SLC13A5: variants seen among roughly 807,000 people sequenced by gnomAD.
SLC13A5 encodes the protein solute carrier family 13 member 5, also known as Na(+)/citrate cotransporter.
A neutral mutation model predicts 56.5 loss-of-function variants in SLC13A5; 25 were observed. The ratio of observed to expected loss-of-function variants is 0.44; its 90% confidence interval spans 0.32 to 0.62. The LOEUF is 0.62. Among genes scored for constraint, SLC13A5 ranks in the 20% least tolerant of loss-of-function variants. The probability of loss-of-function intolerance (pLI) is 0.04; values close to 1 mark genes in which losing one functional copy is unlikely to be tolerated. For synonymous variants in SLC13A5, 307 were observed against 301.5 expected (o/e 1.02, Z -0.19); for missense variants, 649 against 737.8 (o/e 0.88, Z 1.39).
chr17:6,692,838 G>A lies in SLC13A5; in HGVS notation c.1275+206C>T, dbSNP rs1349571649. On this transcript the variant is annotated intron_variant, in intron 9 of 11. Coordinates refer to ENST00000433363, the MANE Select transcript of SLC13A5 (RefSeq NM_177550.5). This position sits in a 1 kb window ranked among gnomAD's most constrained non-coding sequence, Gnocchi z 5.5. The stretch of plus-strand genomic sequence containing the variant: ...CACTCATTCACTCATTCCTGCAATC[G>A]CTCAAAGGTTACTTTCTGTCTTCCA... 1.4e-5 allele frequency: 8 copies of A among 576,906 alleles called. No homozygotes were observed. In the East Asian group the frequency reaches 1.5e-4, roughly 11 times the overall value. 35.7% of individuals were successfully genotyped at this position (576,906 alleles called of 1,614,324 possible).
chr17:6,706,909 G>C (rs1190592215), intron 2 of SLC13A5, 119 bp downstream of exon 2: 2 of 1,558,630 alleles, frequency 1.3e-6, no homozygotes, highest in Admixed American at 1.8e-5. Flanking sequence ...CCCTGCCAGG[G>C]AGAATCCACA....
At chr17:6,696,944 G>C (rs1356828947) in intron 6 of SLC13A5, among the ~76,000 whole-genome samples, 1 of 152,168 alleles carries the variant, frequency 6.6e-6, no homozygotes, top group African/African-American at 2.4e-5. Context: ...TGTGATGGTG[G>C]CTTGGCCTGG....
At chr17:6,686,787 A>G in intron 11 of SLC13A5, 1 of 169,600 alleles carries the variant, frequency 5.9e-6, no homozygotes. Flanking sequence ...TCGCTTCACT[A>G]CCCTGTTGTA....
At chr17:6,702,113 C>G (rs150295901) in intron 5 of SLC13A5, among the ~76,000 whole-genome samples, 1 of 152,342 alleles carries the variant, frequency 6.6e-6, no homozygotes, top group Non-Finnish European at 1.5e-5. Context: ...CAGCCAGGCT[C>G]CAGACCTGTC....
rs1973220430 is a variant in SLC13A5, at chr17:6,685,552, T to C, written c.*655A>G. 1 of 153,460 alleles carries C rather than the reference T, an allele frequency of 6.5e-6. No individual in the cohort carries two copies. Among genetic ancestry groups the C allele is most frequent in the Non-Finnish European group, 1.5e-5 (1 of 68,898 alleles). The allele number at this position is 153,460 out of a possible 1,614,324, so 9.5% of individuals were successfully genotyped here. ...GCGTAGGTTGGCCTGTGGTGCACTG[T>C]GGGTGGCAAGCCAGGTGTCGTCCTG... On this transcript the variant is annotated 3_prime_UTR_variant, in exon 12 of 12. Transcript: ENST00000433363. This position sits in a 1 kb window ranked among gnomAD's most constrained non-coding sequence, Gnocchi z 4.2.
At chr17:6,693,623 A>G (rs1250901051) in intron 8 of SLC13A5, 1 of 158,938 alleles carries the variant, frequency 6.3e-6, no homozygotes, top group African/African-American at 2.4e-5. Flanking sequence ...TCAACGCAAT[A>G]TAATGCCATT....
Position 6,685,839 on chromosome 17 carries a change from A to G in SLC13A5, c.*368T>C. ...GATCCGATTCCCATTTAAACTATCT[A>G]GGACGAAGCGAGTGAAAACCAGAGC... On this transcript the variant is annotated 3_prime_UTR_variant, in exon 12 of 12. Coordinates refer to ENST00000433363, the MANE Select transcript of SLC13A5 (RefSeq NM_177550.5). This position sits in a 1 kb window ranked among gnomAD's most constrained non-coding sequence, Gnocchi z 4.2. The G allele has an allele frequency of 1.5e-5, 4 of 265,150 alleles. No individual in the cohort carries two copies. In the South Asian group the frequency reaches 2.1e-4, roughly 14 times the overall value. The allele number at this position is 265,150 out of a possible 1,614,324, so 16.4% of individuals were successfully genotyped here.
At chr17:6,695,679 ACGCGCCTG>A in intron 7 of SLC13A5, 39 bp downstream of exon 7, 1 of 1,599,360 alleles carries the variant, frequency 6.3e-7, no homozygotes, top group Non-Finnish European at 8.6e-7. Flanking sequence ...GTGTGAGCCA[ACGCGCCTG>A]GCCCTAAGCC....
chr17:6,696,034 C>T (rs1485669479), intron 6 of SLC13A5, 93 bp from the exon 7 acceptor site: 7 of 1,169,570 alleles, frequency 6.0e-6, no homozygotes, highest in Non-Finnish European at 8.7e-6. Context: ...CAGAATGTAG[C>T]AAAAAGACAC....
intron 6 of SLC13A5, among the ~76,000 whole-genome samples, chr17:6,700,061 G>A (rs11652886): frequency 0.1 from 15,902 of 152,192 alleles, 916 homozygotes; most frequent in Non-Finnish European, 0.12. Flanking sequence ...AAATTCCCCT[G>A]GTTTGACTTG....
In SLC13A5 at chr17:6,695,654, G is replaced by A. The variant is rs1973539291; in HGVS notation, c.1055+72C>T. Reference sequence around the variant, plus strand: ...GACCCACCCACCTCAGCCTCCCAAAGTGCTGGGATTACATGTGTGAGCCAA... The same window carrying A: ...GACCCACCCACCTCAGCCTCCCAAAATGCTGGGATTACATGTGTGAGCCAA... On this transcript the variant is annotated intron_variant, in intron 7 of 11. Coordinates refer to ENST00000433363, the MANE Select transcript of SLC13A5 (RefSeq NM_177550.5). 5 of 1,512,866 alleles carry A rather than the reference G, an allele frequency of 3.3e-6. No individual in the cohort carries two copies. In the East Asian group the frequency reaches 1.1e-4, roughly 34 times the overall value. The allele number at this position is 1,512,866 out of a possible 1,614,324, so 93.7% of individuals were successfully genotyped here. A position where few individuals can be genotyped will look rare whatever the true frequency, so the allele number is the denominator to read the frequency against.
At chr17:6,691,460 T>C (rs1025666181) in intron 9 of SLC13A5, among the ~76,000 whole-genome samples, 1 of 152,104 alleles carries the variant, frequency 6.6e-6, no homozygotes, top group African/African-American at 2.4e-5. Flanking sequence ...CAACCAGAAA[T>C]TGAAGGTTTA....
At chr17:6,697,846 C>T (rs746331585) in intron 6 of SLC13A5, among the ~76,000 whole-genome samples, 2 of 152,160 alleles carry the variant, frequency 1.3e-5, no homozygotes, top group Non-Finnish European at 2.9e-5. Flanking sequence ...GCACTAGGCT[C>T]TTCAGCAAGA....
In SLC13A5 at chr17:6,701,393, A is replaced by G. The variant is rs911655448; in HGVS notation, c.717-267T>C. Among the ~76,000 whole-genome samples, 1 of 152,192 alleles carries G rather than the reference A, an allele frequency of 6.6e-6. No individual in the cohort carries two copies. Among genetic ancestry groups the G allele is most frequent in the African/African-American group, 2.4e-5 (1 of 41,460 alleles). On this transcript the variant is annotated intron_variant, in intron 5 of 11. Coordinates refer to ENST00000433363, the MANE Select transcript of SLC13A5 (RefSeq NM_177550.5). The surrounding 1 kb of genome is among the most constrained non-coding windows in gnomAD (Gnocchi z 4.1). ...CAGGCCTTGCTAAGAGTCTCATGGA[A>G]GTTATGGCCCATCCCTCCAGAAAAA...
intron 9 of SLC13A5, 31 bp downstream of exon 9, chr17:6,693,013 G>T: frequency 1.3e-6 from 2 of 1,557,112 alleles, no homozygotes; most frequent in Non-Finnish European, 1.8e-6. Context: ...GAAGAAGAGG[G>T]CTCTGGGCAG....
intron 6 of SLC13A5, among the ~76,000 whole-genome samples, chr17:6,696,687 TG>T (rs1973570637): frequency 6.6e-6 from 1 of 152,118 alleles, no homozygotes; most frequent in Non-Finnish European, 1.5e-5. Flanking sequence ...CTGGGGCCAC[TG>T]TGCATAGGAC....
Position 6,687,390 on chromosome 17 carries a change from A to G in SLC13A5, c.1575+139T>C. 1 of 1,136,698 alleles carries G rather than the reference A, an allele frequency of 8.8e-7. No homozygotes were observed. The highest frequency in any genetic ancestry group is 1.3e-6 in the Non-Finnish European group (1 of 783,512). The allele number at this position is 1,136,698 out of a possible 1,614,324, so 70.4% of individuals were successfully genotyped here. ...GAAAAGCTGCATTATAAATGTCAAC[A>G]ATGGCTACAGGTCTGGATGTTCCGT... On this transcript the variant is annotated intron_variant, in intron 11 of 11. Transcript: ENST00000433363. This position sits in a 1 kb window ranked among gnomAD's most constrained non-coding sequence, Gnocchi z 5.0.
intron 3 of SLC13A5, chr17:6,705,391 A>C (rs549192695): frequency 6.6e-6 from 1 of 152,172 alleles, no homozygotes; most frequent in African/African-American, 2.4e-5. Flanking sequence ...TTGGGTTTGG[A>C]AGTGGAAGCT....
At chr17:6,694,385 G>A (rs1011169577) in intron 7 of SLC13A5, among the ~76,000 whole-genome samples, 188 bp from the exon 8 acceptor site, 3 of 152,196 alleles carry the variant, frequency 2.0e-5, no homozygotes, top group African/African-American at 7.2e-5. Flanking sequence ...TTGGGAGGCT[G>A]AGGCGGGCGG....
Sources: gnomAD v4.1 joint callset for allele counts (sites outside exome capture counted in the v4.1 genomes callset) on GRCh38, gnomAD v4.1.1 for gene constraint, Gnocchi (gnomAD v3.1) non-coding constraint, MANE v1.5 for transcripts, NCBI Gene and HGNC (gene_info 2026-07-23, HGNC 2026-07-21) for gene names.